The following DNAH6 variants were observed in gnomAD, a reference collection of about 807,000 sequenced individuals.
The protein encoded by DNAH6 is axonemal beta dynein heavy chain 6.
In DNAH6, 340 loss-of-function variants were observed where a neutral mutation model predicts 491.4. The observed-to-expected ratio is 0.69, with a 90% CI of 0.63 to 0.76. The LOEUF is 0.76. Ranked by LOEUF, DNAH6 falls within the 30% of genes least tolerant of loss-of-function variation. The pLI, the probability that DNAH6 is intolerant of heterozygous loss-of-function variation, is 0.00. For synonymous variants in DNAH6, 1,603 were observed against 1,686.1 expected, an observed-to-expected ratio of 0.95 and a Z score of 1.21; for missense variants, 4,443 against 4,972.2, an observed-to-expected ratio of 0.89 and a Z score of 3.20.
At chr2:84,720,379 C>T (rs1032260843) in intron 59 of DNAH6, among the ~76,000 whole-genome samples, 9 of 146,982 alleles carry the variant, frequency 6.1e-5, no homozygotes, top group Admixed American at 5.4e-4. Flanking sequence ...CCCGGGTTCA[C>T]GCCATTCTCC....
intron 59 of DNAH6, among the ~76,000 whole-genome samples, chr2:84,721,037 G>A (rs1260692194): frequency 1.3e-5 from 2 of 152,094 alleles, no homozygotes; most frequent in African/African-American, 2.4e-5. Flanking sequence ...TTCTCTAAAC[G>A]CGGCTGAAAC....
chr2:84,717,028 C>T (rs1028143040), intron 58 of DNAH6, among the ~76,000 whole-genome samples: 1 of 152,236 alleles, frequency 6.6e-6, no homozygotes, highest in African/African-American at 2.4e-5. Flanking sequence ...AGTTCACCTC[C>T]CTGCCTCCTG....
chr2:84,605,650 A>G, intron 20 of DNAH6, 58 bp downstream of exon 20: 2 of 1,129,222 alleles, frequency 1.8e-6, no homozygotes, highest in Non-Finnish European at 2.6e-6. Flanking sequence ...CCTAGTCTTA[A>G]ATCTTCTGTG....
chr2:84,808,907 T>A (rs1248894009), intron 72 of DNAH6, among the ~76,000 whole-genome samples: 1 of 152,216 alleles, frequency 6.6e-6, no homozygotes, highest in Non-Finnish European at 1.5e-5. Context: ...AGCGAGACTG[T>A]GAAAACCATA....
chr2:84,704,390 T>G, intron 51 of DNAH6, 88 bp downstream of exon 51: 1 of 920,790 alleles, frequency 1.1e-6, no homozygotes, highest in South Asian at 1.7e-5. Context: ...ATTCATTCCC[T>G]TCTCCACCTT....
intron 64 of DNAH6, among the ~76,000 whole-genome samples, chr2:84,766,641 A>T (rs148308613): frequency 6.6e-6 from 1 of 152,312 alleles, no homozygotes; most frequent in East Asian, 1.9e-4. Context: ...ATATTTAAGG[A>T]AATATATGTT....
chr2:84,778,300 T>G, intron 64 of DNAH6: 1 of 526,928 alleles, frequency 1.9e-6, no homozygotes, highest in Non-Finnish European at 3.5e-6. Flanking sequence ...AGATCCGGAC[T>G]TGGTGGCAGT....
At chr2:84,718,938 C>T (rs1419739482) in intron 59 of DNAH6, among the ~76,000 whole-genome samples, 1 of 152,196 alleles carries the variant, frequency 6.6e-6, no homozygotes, top group African/African-American at 2.4e-5. Context: ...TCAACAAAAA[C>T]GTGTCGATAG....
At chr2:84,512,437 C>T (rs1343167997), upstream of DNAH6, among the ~76,000 whole-genome samples, 2 of 152,176 alleles carry the variant, frequency 1.3e-5, no homozygotes, top group Admixed American at 1.3e-4. Flanking sequence ...CGACATGAAT[C>T]CATTCATGAG....
chr2:84,682,164 C>T (rs149498233), intron 42 of DNAH6, among the ~76,000 whole-genome samples: 8 of 152,332 alleles, frequency 5.3e-5, no homozygotes, highest in Non-Finnish European at 1.2e-4. Context: ...TGATACCCAA[C>T]ACTGTGCTCA....
chr2:84,765,527 G>A (rs2105149503), intron 64 of DNAH6, among the ~76,000 whole-genome samples: 1 of 152,116 alleles, frequency 6.6e-6, no homozygotes, highest in East Asian at 1.9e-4. Context: ...ATTCGCTTAG[G>A]AAAATTCGTG....
At chr2:84,568,336 T>C (rs1681427538) in intron 11 of DNAH6, among the ~76,000 whole-genome samples, 1 of 152,122 alleles carries the variant, frequency 6.6e-6, no homozygotes, top group Admixed American at 6.5e-5. Flanking sequence ...CCCATAGTGA[T>C]AGACTGGATA....
the DNAH6 span, among the ~76,000 whole-genome samples, chr2:84,497,497 T>C: frequency 6.6e-6 from 1 of 152,172 alleles, no homozygotes. Context: ...GGTCATATGG[T>C]GACTATGTCC....
intron 33 of DNAH6, among the ~76,000 whole-genome samples, chr2:84,644,536 CCCAGG>C (rs1337314194): frequency 6.6e-6 from 1 of 152,024 alleles, no homozygotes; most frequent in Non-Finnish European, 1.5e-5. Context: ...CATCCCATCA[CCCAGG>C]CATTCAGCCC....
intron 18 of DNAH6, among the ~76,000 whole-genome samples, chr2:84,602,362 A>G (rs754566661): frequency 2.6e-5 from 4 of 152,022 alleles, no homozygotes; most frequent in Non-Finnish European, 5.9e-5. Flanking sequence ...TTCTGAGACA[A>G]CAGTTTTTGT....
At chr2:84,809,356 C>T (rs1008833693) in intron 72 of DNAH6, among the ~76,000 whole-genome samples, 1 of 152,194 alleles carries the variant, frequency 6.6e-6, no homozygotes, top group African/African-American at 2.4e-5. Flanking sequence ...AAGACCATTT[C>T]TGTTCCCTAT....
At chr2:84,707,157 A>G in intron 53 of DNAH6, 138 bp downstream of exon 53, 2 of 1,030,530 alleles carry the variant, frequency 1.9e-6, no homozygotes, top group Admixed American at 7.0e-5. Flanking sequence ...TCAAATAAGA[A>G]CTCATGTGTT....
Position 84,517,811 on chromosome 2 carries a change from C to T in DNAH6, c.-8-8C>T, listed in dbSNP as rs556592095. 4.5e-5 allele frequency: 70 copies of T among 1,543,610 alleles called. No homozygotes were observed. Among genetic ancestry groups the T allele is most frequent in the Non-Finnish European group, 5.8e-5 (66 of 1,142,702 alleles). On this transcript the variant is annotated splice_region_variant and splice_polypyrimidine_tract_variant and intron_variant, in intron 1 of 76. Coordinates refer to ENST00000389394, the MANE Select transcript of DNAH6 (RefSeq NM_001370.2). ...TTCATTTTCTTTTTCCTCACCTATT[C>T]TTTTCAGGAGTAAGGATGACTTTTC...
intron 40 of DNAH6, among the ~76,000 whole-genome samples, chr2:84,675,158 G>A (rs141863951): frequency 1.5e-3 from 221 of 152,286 alleles, no homozygotes; most frequent in African/African-American, 5.2e-3. Context: ...CCCTCATGGA[G>A]CACTGTGTGT....
Sources: allele counts gnomAD v4.1 joint callset (sites outside exome capture counted in the v4.1 genomes callset), GRCh38; gene constraint gnomAD v4.1.1; transcripts MANE v1.5; gene names NCBI Gene and HGNC (gene_info 2026-07-23, HGNC 2026-07-21).